The following CNKSR2 variants were observed in gnomAD, a reference collection of about 807,000 sequenced individuals.
CNKSR2 encodes the protein connector enhancer of kinase suppressor of Ras 2.
Under a neutral mutation model 84.4 loss-of-function variants are expected in CNKSR2, and 14 were observed. The observed-to-expected ratio is 0.17, with a 90% CI of 0.11 to 0.26. The LOEUF is 0.26. Ranked by LOEUF, CNKSR2 falls within the 10% of genes least tolerant of loss-of-function variation. The pLI, the probability that CNKSR2 is intolerant of heterozygous loss-of-function variation, is 1.00. For missense variants in CNKSR2, 485 were observed against 771.2 expected, an observed-to-expected ratio of 0.63 and a Z score of 4.40; for synonymous variants, 275 against 277.9, an observed-to-expected ratio of 0.99 and a Z score of 0.10.
chrX:21,647,091 T>C (rs2147344368), intron 20 of CNKSR2, among the ~76,000 whole-genome samples: 1 of 112,301 alleles, frequency 8.9e-6, no homozygotes, highest in South Asian at 3.7e-4. Flanking sequence ...AGGTGTTGAA[T>C]ATATTCAGCG....
At chrX:21,383,069 T>G (rs1347453053) in intron 1 of CNKSR2, among the ~76,000 whole-genome samples, 1 of 111,918 alleles carries the variant, frequency 8.9e-6, no homozygotes, top group Non-Finnish European at 1.9e-5. Flanking sequence ...TAAGTGAAAT[T>G]GTAAAGATCT....
At chrX:21,442,874 A>C (rs1176704801) in intron 4 of CNKSR2, among the ~76,000 whole-genome samples, 1 of 111,393 alleles carries the variant, frequency 9.0e-6, no homozygotes, top group East Asian at 2.8e-4. Context: ...CTTGGAGGTC[A>C]TTATCTTAAG....
chrX:21,407,592 T>A (rs2090281721), intron 1 of CNKSR2, among the ~76,000 whole-genome samples: 1 of 111,506 alleles, frequency 9.0e-6, no homozygotes, highest in Admixed American at 9.6e-5. Flanking sequence ...TTTGGGATTG[T>A]CATGAAAAGT....
At chrX:21,514,880 A>C (rs1215904783) in intron 8 of CNKSR2, among the ~76,000 whole-genome samples, 1 of 110,584 alleles carries the variant, frequency 9.0e-6, no homozygotes, top group Non-Finnish European at 1.9e-5. Flanking sequence ...TTGGATTTGA[A>C]CTCCCTTTGC....
chrX:21,572,672 CTCATGATAAATCACAA>C, intron 13 of CNKSR2, among the ~76,000 whole-genome samples: 1 of 111,304 alleles, frequency 9.0e-6, no homozygotes, highest in Middle Eastern at 4.6e-3. Flanking sequence ...GCCATCAGCT[CTCATGATAAATCACAA>C]TCATGAGAAC....
At chrX:21,467,384 C>G (rs1347098077) in intron 4 of CNKSR2, among the ~76,000 whole-genome samples, 2 of 110,841 alleles carry the variant, frequency 1.8e-5, no homozygotes, top group Non-Finnish European at 3.8e-5. Flanking sequence ...AGTGTGGTTA[C>G]ATTGCTTTTG....
intron 9 of CNKSR2, 86 bp downstream of exon 9, chrX:21,516,717 C>A: frequency 1.2e-6 from 1 of 855,003 alleles, no homozygotes; most frequent in Admixed American, 2.8e-5. Context: ...CTCATCTCAG[C>A]AGCATATGGA....
At chrX:21,433,653 T>TACACACACACAC (rs56377458) in intron 3 of CNKSR2, among the ~76,000 whole-genome samples, 6 of 87,553 alleles carry the variant, frequency 6.9e-5, no homozygotes, top group African/African-American at 2.5e-4. Flanking sequence ...TATGTGTTCC[T>TACACACACACAC]ACACACACAC....
intron 20 of CNKSR2, among the ~76,000 whole-genome samples, chrX:21,611,299 T>C (rs750641673): frequency 8.9e-6 from 1 of 112,654 alleles, no homozygotes; most frequent in African/African-American, 3.2e-5. Flanking sequence ...TTTACAAACA[T>C]TGGAGAAAAC....
At chrX:21,444,990 T>C (rs1351256466) in intron 4 of CNKSR2, among the ~76,000 whole-genome samples, 2 of 111,067 alleles carry the variant, frequency 1.8e-5, no homozygotes, top group Admixed American at 9.6e-5. Context: ...TATGCTGGAG[T>C]AGGCAAGGTA....
At chrX:21,537,474 G>T (rs2091938780) in intron 11 of CNKSR2, among the ~76,000 whole-genome samples, 1 of 111,331 alleles carries the variant, frequency 9.0e-6, no homozygotes, top group African/African-American at 3.3e-5. Flanking sequence ...TAAGTCCATA[G>T]CTATTATTAT....
intron 8 of CNKSR2, chrX:21,503,313 A>C (rs1324524095): frequency 3.4e-6 from 1 of 293,577 alleles, no homozygotes; most frequent in Non-Finnish European, 5.9e-6. Context: ...TCTTGCTCTG[A>C]AATTGACTTA....
chrX:21,621,795 A>T (rs2092602927), intron 20 of CNKSR2, among the ~76,000 whole-genome samples: 1 of 110,881 alleles, frequency 9.0e-6, no homozygotes, highest in Non-Finnish European at 1.9e-5. Flanking sequence ...AAAAGAAGTC[A>T]TTTTAAAATG....
At chrX:21,399,003 C>G (rs1179842570) in intron 1 of CNKSR2, among the ~76,000 whole-genome samples, 2 of 109,316 alleles carry the variant, frequency 1.8e-5, no homozygotes, top group African/African-American at 6.7e-5. Context: ...GAATATGACC[C>G]TTAATGTTTT....
intron 13 of CNKSR2, among the ~76,000 whole-genome samples, chrX:21,577,713 G>A (rs928652456): frequency 5.4e-5 from 6 of 110,175 alleles, no homozygotes; most frequent in Middle Eastern, 4.6e-3. Flanking sequence ...TAAAACTGTA[G>A]GTAGAATTAT....
chrX:21,518,948 C>T (rs1453161900), intron 9 of CNKSR2, among the ~76,000 whole-genome samples: 2 of 111,540 alleles, frequency 1.8e-5, no homozygotes, highest in Non-Finnish European at 3.8e-5. Flanking sequence ...GTCAACCATC[C>T]GTAGATAAAT....
At chrX:21,578,823 T>C (rs2092336468) in intron 13 of CNKSR2, among the ~76,000 whole-genome samples, 1 of 111,807 alleles carries the variant, frequency 8.9e-6, no homozygotes, top group African/African-American at 3.2e-5. Flanking sequence ...TCTTATTCAG[T>C]TGAGGAGCTG....
chrX:21,641,519 C>T, intron 20 of CNKSR2: 1 of 1,175,010 alleles, frequency 8.5e-7, no homozygotes, highest in Non-Finnish European at 1.1e-6. Context: ...TGTATCACTG[C>T]TTTATCATAT....
At chrX:21,519,065 A>G (rs1457386524) in intron 9 of CNKSR2, among the ~76,000 whole-genome samples, 1 of 110,618 alleles carries the variant, frequency 9.0e-6, no homozygotes, top group Non-Finnish European at 1.9e-5. Context: ...TTAATTAAAT[A>G]TTTTCTAGTG....
Sources: gnomAD v4.1 joint callset for allele counts (sites outside exome capture counted in the v4.1 genomes callset) on GRCh38, gnomAD v4.1.1 for gene constraint, MANE v1.5 for transcripts, NCBI Gene and HGNC (gene_info 2026-07-23, HGNC 2026-07-21) for gene names.